SLIT2: variants seen among roughly 807,000 people sequenced by gnomAD.
SLIT2 encodes the protein slit guidance ligand 2.
A neutral mutation model predicts 185.7 loss-of-function variants in SLIT2; 41 were observed. The observed-to-expected ratio is 0.22, with a 90% CI of 0.17 to 0.29. The LOEUF is 0.29. Ranked by LOEUF, SLIT2 falls within the 10% of genes least tolerant of loss-of-function variation. The pLI is 1.00. For synonymous variants in SLIT2, 693 were observed against 680.2 expected, an observed-to-expected ratio of 1.02 and a Z score of -0.29; for missense variants, 1,571 against 1,909.0, an observed-to-expected ratio of 0.82 and a Z score of 3.30.
intron 4 of SLIT2, among the ~76,000 whole-genome samples, chr4:20,322,979 A>G (rs995590257): frequency 1.3e-5 from 2 of 152,156 alleles, no homozygotes; most frequent in African/African-American, 2.4e-5. Context: ...AGAGTTTGCA[A>G]AGTACTTTCA....
chr4:20,298,569 A>G (rs624354), intron 4 of SLIT2, among the ~76,000 whole-genome samples: 141,935 of 152,248 alleles, frequency 0.93, 66,249 homozygotes, highest in East Asian at 1. Context: ...TAAAGGAAAA[A>G]CAATCTCCTT....
Position 20,617,062 on chromosome 4 carries a change from G to A in SLIT2, c.4000G>A (p.Glu1334Lys), listed in dbSNP as rs762076816. ...PMQTGILPGCEPCHKKVCAHG... is the reference protein window; with the variant it reads ...PMQTGILPGCKPCHKKVCAHG... ...GCAAACAGGCATTTTGCCTGGCTGT[G>A]AGCCATGCCACAAGAAGGTGTGTGC... The change falls in exon 35 of 37, where the codon GAG becomes AAG. Residue 1334 changes from glutamate (E) to lysine (K), a missense_variant. Physicochemically the swap from Glu to Lys is moderately conservative, Grantham distance 56. This residue lies in a region of SLIT2 where 146 missense variants were observed against 247.4 expected (regional missense o/e 0.59). Coordinates refer to ENST00000504154, the MANE Select transcript of SLIT2 (RefSeq NM_004787.4). 4.3e-6 allele frequency: 7 copies of A among 1,614,054 alleles called. No individual in the cohort carries two copies. Among genetic ancestry groups the A allele is most frequent in the Non-Finnish European group, 5.9e-6 (7 of 1,180,006 alleles).
At chr4:20,430,644 A>G (rs1728899610) in intron 4 of SLIT2, among the ~76,000 whole-genome samples, 1 of 152,208 alleles carries the variant, frequency 6.6e-6, no homozygotes, top group East Asian at 1.9e-4. Context: ...ATCCTGTTGT[A>G]TAAAACACAT....
At chr4:20,602,735 T>C (rs1180292237) in intron 33 of SLIT2, among the ~76,000 whole-genome samples, 2 of 152,218 alleles carry the variant, frequency 1.3e-5, no homozygotes, top group African/African-American at 4.8e-5. Flanking sequence ...ATTGTCTGCA[T>C]GTCTTCTCAT....
intron 4 of SLIT2, among the ~76,000 whole-genome samples, chr4:20,458,604 T>A (rs1713351744): frequency 6.6e-6 from 1 of 152,214 alleles, no homozygotes; most frequent in Non-Finnish European, 1.5e-5. Context: ...AATAACATTT[T>A]GAAACCACAG....
intron 11 of SLIT2, among the ~76,000 whole-genome samples, chr4:20,515,699 A>C (rs1720140653): frequency 1.3e-5 from 2 of 152,110 alleles, no homozygotes; most frequent in Non-Finnish European, 2.9e-5. Context: ...TTATAAGTAT[A>C]ATTTCCTTGA....
At chr4:20,463,297 TTCACATAAGA>T (rs1489782131) in intron 4 of SLIT2, among the ~76,000 whole-genome samples, 6 of 151,680 alleles carry the variant, frequency 4.0e-5, no homozygotes, top group African/African-American at 1.5e-4. Flanking sequence ...TTAAACAAGT[TTCACATAAGA>T]TCTCATTTGA....
At chr4:20,264,603 A>T (rs1298944660) in intron 3 of SLIT2, among the ~76,000 whole-genome samples, 1 of 151,886 alleles carries the variant, frequency 6.6e-6, no homozygotes, top group African/African-American at 2.4e-5. Flanking sequence ...GGCAGATAAT[A>T]ATTCAAAACA....
rs145467329 is a variant in SLIT2, at chr4:20,564,956, A to G, written c.2726-2306A>G. The stretch of plus-strand genomic sequence containing the variant: ...ATTAATCAGATATGGTCCGGTGGAC[A>G]TTTATTAAATAAATCCCCACTACGT... On this transcript the variant is annotated intron_variant, in intron 26 of 36. Transcript: ENST00000504154. Among the ~76,000 whole-genome samples the G allele has an allele frequency of 4.0e-3, 608 of 152,126 alleles. 9 individuals carry two copies. Among genetic ancestry groups the G allele is most frequent in the African/African-American group, 0.014 (567 of 41,542 alleles).
intron 4 of SLIT2, among the ~76,000 whole-genome samples, chr4:20,439,076 G>C (rs1390721255): frequency 6.6e-6 from 1 of 152,232 alleles, no homozygotes; most frequent in African/African-American, 2.4e-5. Flanking sequence ...GCAGGGCGTT[G>C]CACATGAAAT....
chr4:20,459,388 T>C (rs1332841442), intron 4 of SLIT2, among the ~76,000 whole-genome samples: 3 of 152,184 alleles, frequency 2.0e-5, no homozygotes, highest in African/African-American at 7.2e-5. Context: ...TATCAGTAAA[T>C]GCTTTTGAAT....
intron 9 of SLIT2, among the ~76,000 whole-genome samples, chr4:20,497,931 T>C (rs533371834): frequency 6.6e-6 from 1 of 152,262 alleles, no homozygotes; most frequent in South Asian, 2.1e-4. Flanking sequence ...CTCAGCACTT[T>C]TAGAGGCCGA....
intron 33 of SLIT2, among the ~76,000 whole-genome samples, chr4:20,599,592 A>G (rs1427773471): frequency 6.6e-6 from 1 of 152,192 alleles, no homozygotes; most frequent in African/African-American, 2.4e-5. Context: ...ATATTTGTCA[A>G]AACAGGATTT....
chr4:20,539,868 T>C (rs1722649334), intron 19 of SLIT2, among the ~76,000 whole-genome samples: 1 of 152,206 alleles, frequency 6.6e-6, no homozygotes, highest in Non-Finnish European at 1.5e-5. Flanking sequence ...TTATTATAAC[T>C]TGATAGTGCT....
chr4:20,472,383 T>TATAC (rs1715339747), intron 5 of SLIT2, among the ~76,000 whole-genome samples: 2 of 36,998 alleles, frequency 5.4e-5, no homozygotes, highest in South Asian at 1.3e-3. Context: ...TATCTATATA[T>TATAC]ATGTAGATAT....
intron 17 of SLIT2, among the ~76,000 whole-genome samples, chr4:20,532,502 A>G (rs536198388): frequency 2.0e-5 from 3 of 152,296 alleles, no homozygotes; most frequent in Admixed American, 6.5e-5. Flanking sequence ...CATCTGTGTT[A>G]CTACATGTCC....
At chr4:20,589,796 G>A in intron 30 of SLIT2, 59 bp downstream of exon 30, 1 of 1,155,438 alleles carries the variant, frequency 8.7e-7, no homozygotes, top group Non-Finnish European at 1.3e-6. Flanking sequence ...TATTTTAGGA[G>A]CCCTTCTCCT....
intron 4 of SLIT2, among the ~76,000 whole-genome samples, chr4:20,361,861 T>C (rs570151118): frequency 3.9e-5 from 6 of 152,236 alleles, no homozygotes; most frequent in Non-Finnish European, 5.9e-5. Context: ...AGCATTCACA[T>C]TTTTTGGGTG....
chr4:20,273,767 G>A (rs1004745590), intron 4 of SLIT2, among the ~76,000 whole-genome samples: 8 of 152,280 alleles, frequency 5.3e-5, no homozygotes, highest in African/African-American at 1.9e-4. Flanking sequence ...AGTCAACCAT[G>A]AAAGCAGGAT....
Sources: allele counts gnomAD v4.1 joint callset (sites outside exome capture counted in the v4.1 genomes callset), GRCh38; gene constraint gnomAD v4.1.1; regional missense constraint gnomAD v4.1.1; transcripts MANE v1.5; gene names NCBI Gene and HGNC (gene_info 2026-07-23, HGNC 2026-07-21).